Variants in PTPRD observed in about 807,000 individuals in gnomAD.
PTPRD encodes the protein receptor-type tyrosine-protein phosphatase delta.
PTPRD carries 34 observed loss-of-function variants against 214.5 expected under a neutral mutation model. The observed-to-expected ratio is 0.16, with a 90% CI of 0.12 to 0.21. The LOEUF (loss-of-function observed/expected upper bound fraction) is 0.21. Ranked by LOEUF, PTPRD falls within the 10% of genes least tolerant of loss-of-function variation. The pLI, the probability that PTPRD is intolerant of heterozygous loss-of-function variation, is 1.00. For synonymous variants in PTPRD, 1,128 were observed against 845.7 expected, an observed-to-expected ratio of 1.33 and a Z score of -5.79; for missense variants, 2,545 against 2,398.7, an observed-to-expected ratio of 1.06 and a Z score of -1.27.
At position 8,485,983 on chromosome 9, in the gene PTPRD, G is replaced by T. The variant is rs745584700; in HGVS notation, c.2834C>A (p.Ala945Glu). 5 of 1,614,040 alleles carry T rather than the reference G, an allele frequency of 3.1e-6. No individual in the cohort carries two copies. The highest frequency in any genetic ancestry group is 4.2e-6 in the Non-Finnish European group (5 of 1,180,036). ...CTTGGTGATAATGCCATTTCTCTCT[G>T]CCAGGACAGGTGGTTGCCAAGATAA... ...VQLSWQPPVL[A>E]ERNGIITKYT... is the part of the protein sequence containing the mutation. Residue 945 changes from alanine to glutamate, a missense_variant, in exon 28 of 46, where the codon GCA (alanine) becomes GAA (glutamate). Coordinates refer to ENST00000381196, the MANE Select transcript of PTPRD (RefSeq NM_002839.4).
rs2135792886 is a variant in PTPRD, at chr9:8,484,363, C to A, written c.3169G>T (p.Gly1057Trp). 1 of 1,613,558 alleles carries A rather than the reference C, an allele frequency of 6.2e-7. No homozygotes were observed. Among genetic ancestry groups the A allele is most frequent in the Non-Finnish European group, 8.5e-7 (1 of 1,179,724 alleles). ...CCATCCACTTCTTCTACCATTTTCC[C>A]ATCATCATAAAGAATCTAAAGAGAT... ...AMPFKILYDD[G>W]KMVEEVDGRA... The change falls in exon 30 of 46, where the codon GGG becomes TGG. Residue 1057 changes from glycine to tryptophan, a missense_variant. Coordinates refer to ENST00000381196, the MANE Select transcript of PTPRD (RefSeq NM_002839.4).
chr9:9,639,783 G>A (rs1188617724), intron 7 of PTPRD, among the ~76,000 whole-genome samples: 2 of 152,054 alleles, frequency 1.3e-5, no homozygotes, highest in South Asian at 2.1e-4. Flanking sequence ...TATATCCATT[G>A]TTCCATATAC....
At chr9:10,300,165 A>C (rs1195211257) in intron 3 of PTPRD, among the ~76,000 whole-genome samples, 2 of 152,200 alleles carry the variant, frequency 1.3e-5, no homozygotes, top group Non-Finnish European at 2.9e-5. Context: ...ACAACAACAA[A>C]AAAGTAAAAT....
At chr9:8,331,509 C>CTACAAAAAGTGTA in intron 44 of PTPRD, 73 bp downstream of exon 44, 1 of 1,526,972 alleles carries the variant, frequency 6.5e-7, no homozygotes, top group Non-Finnish European at 8.9e-7. Flanking sequence ...AGCAAACTTA[C>CTACAAAAAGTGTA]TACAAAAAGT....
intron 3 of PTPRD, among the ~76,000 whole-genome samples, chr9:10,218,847 G>A (rs926863818): frequency 5.3e-5 from 8 of 151,512 alleles, no homozygotes; most frequent in South Asian, 2.1e-4. Context: ...AACAGTTAAG[G>A]TTATTATTAT....
At chr9:9,519,801 C>G (rs2096922248) in intron 8 of PTPRD, among the ~76,000 whole-genome samples, 1 of 151,824 alleles carries the variant, frequency 6.6e-6, no homozygotes, top group East Asian at 1.9e-4. Flanking sequence ...ATACATTCAA[C>G]AAAATCCATA....
At chr9:9,109,633 G>T (rs772037646) in intron 10 of PTPRD, among the ~76,000 whole-genome samples, 1 of 152,132 alleles carries the variant, frequency 6.6e-6, no homozygotes, top group Non-Finnish European at 1.5e-5. Context: ...CTCAGTCTGG[G>T]TGGAGGTCTA....
At chr9:10,088,669 T>G (rs920582587) in intron 3 of PTPRD, among the ~76,000 whole-genome samples, 2 of 151,802 alleles carry the variant, frequency 1.3e-5, no homozygotes, top group Admixed American at 6.6e-5. Flanking sequence ...TTAGCAAAAC[T>G]AATCAGTCTC....
intron 11 of PTPRD, among the ~76,000 whole-genome samples, chr9:8,838,247 T>A (rs1214137772): frequency 1.4e-5 from 2 of 147,322 alleles, no homozygotes; most frequent in African/African-American, 5.0e-5. Context: ...GACTTCAAAT[T>A]AAAAAAAAAA....
rs376442543 is a variant in PTPRD at position 10,479,882 on chromosome 9, G to C, written c.-600+132516C>G. On this transcript the variant is annotated intron_variant, in intron 2 of 45. Coordinates refer to ENST00000381196, the MANE Select transcript of PTPRD (RefSeq NM_002839.4). ...AGTACATTCCTAAAGACTGTTTCAAGAGTCTTCAATCTGAAGGGGCTTGTT... is the reference window on the plus strand; with the variant it reads ...AGTACATTCCTAAAGACTGTTTCAACAGTCTTCAATCTGAAGGGGCTTGTT... 1.7e-4 allele frequency among the ~76,000 whole-genome samples: 26 copies of C among 152,196 alleles called. No homozygotes were observed. The East Asian group carries it at 3.3e-3, about 19-fold the overall frequency.
In PTPRD at chr9:10,544,867, G is replaced by A. The variant is rs190642060; in HGVS notation, c.-600+67531C>T. ...TTTGGACATTACTACATAAAAATAG[G>A]GAAATGTTCCTCAAATATATAATAA... is the stretch of plus-strand genomic sequence containing the variant. On this transcript the variant is annotated intron_variant, in intron 2 of 45. Coordinates refer to ENST00000381196, the MANE Select transcript of PTPRD (RefSeq NM_002839.4). Among the ~76,000 whole-genome samples, 15 of 152,106 alleles carry A rather than the reference G, an allele frequency of 9.9e-5. No individual in the cohort carries two copies. The East Asian group carries it at 2.5e-3, about 25-fold the overall frequency.
intron 8 of PTPRD, among the ~76,000 whole-genome samples, chr9:9,423,200 T>C (rs2079488230): frequency 6.6e-6 from 1 of 152,188 alleles, no homozygotes; most frequent in Non-Finnish European, 1.5e-5. Context: ...AAGGTTTGTG[T>C]CCTCCTCGAA....
In PTPRD at chr9:10,188,475, T is replaced by G. The variant is rs568158065; in HGVS notation, c.-545+152488A>C. 2.0e-4 allele frequency among the ~76,000 whole-genome samples: 30 copies of G among 152,232 alleles called. No homozygotes were observed. The East Asian group carries it at 5.4e-3, about 27-fold the overall frequency. On this transcript the variant is annotated intron_variant, in intron 3 of 45. Coordinates refer to ENST00000381196, the MANE Select transcript of PTPRD (RefSeq NM_002839.4). ...TATAACATCTTAGAAACTTGTTAAC[T>G]TTTTTTGACTTTCCAAATCATTCAA...
chr9:9,269,385 A>T (rs1941787702), intron 9 of PTPRD, among the ~76,000 whole-genome samples: 1 of 151,360 alleles, frequency 6.6e-6, no homozygotes, highest in African/African-American at 2.4e-5. Context: ...AAAAAAAAGA[A>T]TCCTTATGCA....
chr9:8,386,440 G>A (rs2087093997), intron 37 of PTPRD, among the ~76,000 whole-genome samples: 1 of 152,196 alleles, frequency 6.6e-6, no homozygotes, highest in South Asian at 2.1e-4. Context: ...TTTTCTTCAT[G>A]TACCATAGGA....
intron 9 of PTPRD, among the ~76,000 whole-genome samples, chr9:9,211,544 C>T (rs1466371447): frequency 7.6e-6 from 1 of 131,722 alleles, no homozygotes; most frequent in Admixed American, 7.4e-5. Flanking sequence ...CACACACACA[C>T]ACACACACAC....
intron 3 of PTPRD, among the ~76,000 whole-genome samples, chr9:10,307,819 G>C (rs2154414649): frequency 6.6e-6 from 1 of 151,960 alleles, no homozygotes; most frequent in African/African-American, 2.4e-5. Context: ...AATGTTTGGT[G>C]ATGCTAAACG....
intron 9 of PTPRD, among the ~76,000 whole-genome samples, chr9:9,248,144 A>G (rs2099973880): frequency 6.6e-6 from 1 of 151,836 alleles, no homozygotes; most frequent in South Asian, 2.1e-4. Flanking sequence ...CCAGGTTGGC[A>G]TGCAGTGGTG....
intron 2 of PTPRD, among the ~76,000 whole-genome samples, chr9:10,391,496 C>G (rs1174772657): frequency 6.6e-6 from 1 of 151,644 alleles, no homozygotes; most frequent in African/African-American, 2.4e-5. Context: ...TAGGGCAGTT[C>G]CTGTCTGTTA....
Sources: gnomAD v4.1 joint callset for allele counts (sites outside exome capture counted in the v4.1 genomes callset) on GRCh38, gnomAD v4.1.1 for gene constraint, MANE v1.5 for transcripts, NCBI Gene and HGNC (gene_info 2026-07-23, HGNC 2026-07-21) for gene names.